Variants in ACVR1 observed in about 807,000 individuals in gnomAD.
ACVR1 encodes activin receptor type-1.
In ACVR1, 38 loss-of-function variants were observed where a neutral mutation model predicts 57.1. The observed-to-expected ratio is 0.67, with a 90% confidence interval of 0.51 to 0.87. ACVR1 has a LOEUF of 0.87. Among genes scored for constraint, ACVR1 ranks in the 40% least tolerant of loss-of-function variants. The pLI, the probability that ACVR1 is intolerant of heterozygous loss-of-function variation, is 0.00. For missense variants in ACVR1, 463 were observed against 638.2 expected, an observed-to-expected ratio of 0.73 and a Z score of 2.96; for synonymous variants, 212 against 228.1, an observed-to-expected ratio of 0.93 and a Z score of 0.63.
intron 1 of ACVR1, among the ~76,000 whole-genome samples, chr2:157,829,676 C>CT (rs969884297): frequency 6.6e-6 from 1 of 152,174 alleles, no homozygotes; most frequent in African/African-American, 2.4e-5. Context: ...CCTGAAATGT[C>CT]TTTTTTCATC....
At chr2:157,761,549 T>C (rs557432573) in intron 8 of ACVR1, among the ~76,000 whole-genome samples, 83 of 152,358 alleles carry the variant, frequency 5.4e-4, no homozygotes, top group Non-Finnish European at 9.8e-4. Context: ...GGCAGATTGC[T>C]ATAAGCACTG....
chr2:157,765,290 T>G (rs1685818512), intron 8 of ACVR1, among the ~76,000 whole-genome samples: 1 of 152,236 alleles, frequency 6.6e-6, no homozygotes, highest in African/African-American at 2.4e-5. Context: ...AACTTGATTC[T>G]TTTGCCTTGG....
At chr2:157,738,721 G>C (rs1380160424) in intron 9 of ACVR1, 151 bp from the exon 10 acceptor site, 2 of 1,154,124 alleles carry the variant, frequency 1.7e-6, no homozygotes, top group East Asian at 4.8e-5. Context: ...GCTAGAGGTA[G>C]GTCCTAAAAC....
At chr2:157,796,671 A>G (rs1687136200) in intron 3 of ACVR1, among the ~76,000 whole-genome samples, 1 of 152,108 alleles carries the variant, frequency 6.6e-6, no homozygotes, top group Non-Finnish European at 1.5e-5. Flanking sequence ...TTTTTAAATA[A>G]TAATCATTAT....
intron 2 of ACVR1, 89 bp downstream of exon 2, chr2:157,818,296 T>G (rs1688018965): frequency 6.6e-6 from 1 of 151,922 alleles, no homozygotes; most frequent in Admixed American, 6.6e-5. Flanking sequence ...TGCCAAAGAG[T>G]ATTAAAAGAA....
Position 157,766,089 on chromosome 2 carries a change from G to A in ACVR1, c.898C>T (p.Leu300=). The A allele has an allele frequency of 6.2e-7, 1 of 1,614,134 alleles. No individual in the cohort carries two copies. Among genetic ancestry groups the A allele is most frequent in the Non-Finnish European group, 8.5e-7 (1 of 1,179,984 alleles). The part of the protein sequence containing the change: ...SLYDYLQLTT[L]DTVSCLRIVL... ...ATTCGAAGGCAGCTAACTGTATCCA[G>A]AGTAGTAAGCTGAAGATAGTCGTAC... Residue 300 remains leucine (L), a synonymous_variant, in exon 8 of 11, where the codon CTG becomes TTG. Transcript: ENST00000434821.
At chr2:157,869,963 C>CAT (rs1690062148) in intron 1 of ACVR1, among the ~76,000 whole-genome samples, 1 of 152,194 alleles carries the variant, frequency 6.6e-6, no homozygotes, top group African/African-American at 2.4e-5. Flanking sequence ...CCTTTATGGT[C>CAT]ATGTTTGCTT....
At chr2:157,792,113 C>T (rs1686937946) in intron 3 of ACVR1, among the ~76,000 whole-genome samples, 1 of 151,626 alleles carries the variant, frequency 6.6e-6, no homozygotes, top group Non-Finnish European at 1.5e-5. Context: ...CCCCAAATCA[C>T]CAATTTAAAA....
chr2:157,812,420 A>T (rs970731660), intron 2 of ACVR1, among the ~76,000 whole-genome samples: 46 of 151,974 alleles, frequency 3.0e-4, no homozygotes, highest in African/African-American at 8.9e-4. Flanking sequence ...TGGACCCATT[A>T]AAAAAAAGGC....
chr2:157,819,745 G>C (rs1024484973), intron 1 of ACVR1, among the ~76,000 whole-genome samples: 2 of 141,958 alleles, frequency 1.4e-5, no homozygotes, highest in Non-Finnish European at 2.9e-5. Flanking sequence ...GAAGAGGAGG[G>C]GAGGCTCTAG....
At chr2:157,859,191 A>G (rs1689640757) in intron 1 of ACVR1, among the ~76,000 whole-genome samples, 1 of 152,190 alleles carries the variant, frequency 6.6e-6, no homozygotes, top group Admixed American at 6.5e-5. Context: ...CCTCACTGAT[A>G]AAACAGGTTG....
rs556946022 is a variant in ACVR1, at chr2:157,766,599, C to T, written c.791-403G>A. Among the ~76,000 whole-genome samples the T allele has an allele frequency of 4.6e-5, 7 of 152,290 alleles. No individual in the cohort carries two copies. The South Asian group carries it at 1.5e-3, about 32-fold the overall frequency. ...AAAACCTGAGTACTGTATTCTAGTC[C>T]TGACTCTGCCTGTGATTTACTTGTC... On this transcript the variant is annotated intron_variant, in intron 7 of 10. Coordinates refer to ENST00000434821, the MANE Select transcript of ACVR1 (RefSeq NM_001111067.4).
chr2:157,867,061 C>T (rs1243948414), intron 1 of ACVR1, among the ~76,000 whole-genome samples: 1 of 152,190 alleles, frequency 6.6e-6, no homozygotes, highest in Non-Finnish European at 1.5e-5. Flanking sequence ...CTTCTGGGTT[C>T]TTGCTCTCCC....
chr2:157,819,956 G>C (rs1291447023), intron 1 of ACVR1, among the ~76,000 whole-genome samples: 2 of 152,012 alleles, frequency 1.3e-5, no homozygotes, highest in Non-Finnish European at 2.9e-5. Context: ...GGAACATTTT[G>C]CCAAGAAAAC....
intron 2 of ACVR1, among the ~76,000 whole-genome samples, chr2:157,801,732 T>G (rs1490540961): frequency 6.6e-6 from 1 of 152,222 alleles, no homozygotes; most frequent in Non-Finnish European, 1.5e-5. Flanking sequence ...TAATATGTAC[T>G]TATTTATTTT....
intron 1 of ACVR1, among the ~76,000 whole-genome samples, chr2:157,861,772 G>C (rs888315302): frequency 6.6e-6 from 1 of 152,168 alleles, no homozygotes; most frequent in African/African-American, 2.4e-5. Flanking sequence ...ACTTAAGAGA[G>C]CATTTGAAAA....
intron 6 of ACVR1, among the ~76,000 whole-genome samples, chr2:157,772,387 A>G (rs1284085559): frequency 6.6e-6 from 1 of 152,158 alleles, no homozygotes; most frequent in Non-Finnish European, 1.5e-5. Flanking sequence ...AGTTCATCAC[A>G]TATATTTTTA....
chr2:157,790,240 G>A (rs933407007), intron 3 of ACVR1: 17 of 152,270 alleles, frequency 1.1e-4, no homozygotes, highest in African/African-American at 3.9e-4. Flanking sequence ...GCTCAGTCAG[G>A]AGCTGCACAT....
chr2:157,822,079 G>A (rs1454750525), intron 1 of ACVR1, among the ~76,000 whole-genome samples: 1 of 152,102 alleles, frequency 6.6e-6, no homozygotes, highest in Non-Finnish European at 1.5e-5. Flanking sequence ...ACCCTTTCAA[G>A]AACCATTCCA....
Sources: gnomAD v4.1 joint callset for allele counts (sites outside exome capture counted in the v4.1 genomes callset) on GRCh38, gnomAD v4.1.1 for gene constraint, MANE v1.5 for transcripts, NCBI Gene and HGNC (gene_info 2026-07-23, HGNC 2026-07-21) for gene names.